Variants in BRCA1 observed in about 807,000 individuals in gnomAD.
The protein encoded by BRCA1 is breast cancer type 1 susceptibility protein.
In BRCA1, 140 loss-of-function variants were observed where a neutral mutation model predicts 173.7. The observed-to-expected ratio is 0.81, with a 90% CI of 0.70 to 0.93. The LOEUF is 0.93. Ranked by LOEUF, BRCA1 falls within the 40% of genes least tolerant of loss-of-function variation. BRCA1 has a pLI of 0.00. For missense variants in BRCA1, 1,983 were observed against 2,172.5 expected, an observed-to-expected ratio of 0.91 and a Z score of 1.73; for synonymous variants, 662 against 756.0, an observed-to-expected ratio of 0.88 and a Z score of 2.04.
rs927568651 is a variant in BRCA1, at chr17:43,090,024, A to T, written c.4185+920T>A. Among the ~76,000 whole-genome samples the T allele has an allele frequency of 6.0e-5, 9 of 151,060 alleles. 2 individuals are homozygous for T. Among genetic ancestry groups the T allele is most frequent in the African/African-American group, 2.2e-4 (9 of 41,262 alleles). The stretch of plus-strand genomic sequence containing the variant: ...ACCCTGTGTCAAAGAAACCAAAAAG[A>T]AAAAAATAACTAGATTTTAAAAGGG... On this transcript the variant is annotated intron_variant, in intron 11 of 22. Coordinates refer to ENST00000357654, the MANE Select transcript of BRCA1 (RefSeq NM_007294.4).
rs2152355720 is a variant in BRCA1, at chr17:43,045,095, T to C, written c.*583A>G. The C allele has an allele frequency of 1.9e-6, 1 of 530,000 alleles. No individual in the cohort carries two copies. 32.8% of individuals were successfully genotyped at this position (530,000 alleles called of 1,614,324 possible). The stretch of plus-strand genomic sequence containing the variant: ...CTGGGATTACAGGCGTGAGCCACCA[T>C]GCCCAGGTTTCAAGTTTCCTTTTCA... On this transcript the variant is annotated 3_prime_UTR_variant, in exon 23 of 23. Transcript: ENST00000357654.
rs368128956 is a variant in BRCA1 at position 43,111,100 on chromosome 17, C to CAAA, written c.135-4570_135-4568dup. Among the ~76,000 whole-genome samples the CAAA allele has an allele frequency of 7.9e-5, 9 of 114,042 alleles. 1 individual carries two copies. The highest frequency in any genetic ancestry group is 1.5e-4 in the Non-Finnish European group (8 of 55,156). The allele number at this position is 114,042 out of a possible 152,430, so 74.8% of individuals were successfully genotyped here. A position where few individuals can be genotyped will look rare whatever the true frequency, so the allele number is the denominator to read the frequency against. On this transcript the variant is annotated intron_variant, in intron 3 of 22. Transcript: ENST00000357654. ...TGGGCAACAGAACAAGACTCCATCT[C>CAAA]AAAAAAAAAAAAAAAAGTATTACAC...
chr17:43,089,504 T>C (rs1320191394), intron 11 of BRCA1, among the ~76,000 whole-genome samples: 1 of 151,992 alleles, frequency 6.6e-6, no homozygotes, highest in Non-Finnish European at 1.5e-5. Flanking sequence ...GTGACCAAAT[T>C]ATTGGCCTTG....
At chr17:43,123,829 G>C (rs2055702287) in intron 2 of BRCA1, among the ~76,000 whole-genome samples, 188 bp downstream of exon 2, 1 of 152,226 alleles carries the variant, frequency 6.6e-6, no homozygotes, top group African/African-American at 2.4e-5. Flanking sequence ...GGGAGAGGCA[G>C]AGTGGATGGA....
At position 43,091,543 on chromosome 17, in the gene BRCA1, T is replaced by A. The variant is rs1555586688; in HGVS notation, c.3988A>T (p.Ser1330Cys). ...TTGTCACTCAGACCAACTCCCTGGC[T>A]TTCAGACTGATGCCTCATTTGTTTG... ...SSKQMRHQSE[S>C]QGVGLSDKEL... The change falls in exon 10 of 23, where the codon AGC becomes TGC. Residue 1330 changes from serine to cysteine, a missense_variant. Coordinates refer to ENST00000357654, the MANE Select transcript of BRCA1 (RefSeq NM_007294.4). The A allele has an allele frequency of 1.2e-6, 2 of 1,614,204 alleles. No individual in the cohort carries two copies. Among genetic ancestry groups the A allele is most frequent in the Admixed American group, 1.7e-5 (1 of 60,030 alleles).
chr17:43,152,669 A>G (rs536851609), intron 1 of BRCA1, among the ~76,000 whole-genome samples: 12 of 152,300 alleles, frequency 7.9e-5, no homozygotes, highest in Admixed American at 6.5e-4. Context: ...CCTGGCTAAC[A>G]CAGTGAAACC....
rs370677799 is a variant in BRCA1 at position 43,116,680 on chromosome 17, G to A, written c.81-901C>T. 8.9e-4 allele frequency among the ~76,000 whole-genome samples: 135 copies of A among 152,234 alleles called. 1 individual carries two copies. The Middle Eastern group carries it at 0.027, about 31-fold the overall frequency. ...ACTACAGGCGTGCGCCACCACGCCCGGCTGATTTTTCGTATTTTTAGTAGA... is the reference window on the plus strand; with the variant it reads ...ACTACAGGCGTGCGCCACCACGCCCAGCTGATTTTTCGTATTTTTAGTAGA... On this transcript the variant is annotated intron_variant, in intron 2 of 22. Transcript: ENST00000357654.
chr17:43,102,356 G>GTTTTTTTT (rs1312777678), intron 6 of BRCA1, among the ~76,000 whole-genome samples: 6 of 86,974 alleles, frequency 6.9e-5, no homozygotes, highest in East Asian at 3.4e-4. Context: ...CAGGCGTGAA[G>GTTTTTTTT]CTTTTTTTTT....
At chr17:43,072,991 A>G (rs576358490) in intron 14 of BRCA1, among the ~76,000 whole-genome samples, 1 of 151,844 alleles carries the variant, frequency 6.6e-6, no homozygotes, top group East Asian at 2.0e-4. Flanking sequence ...TACTGAGATT[A>G]CAGGCATGAG....
chr17:43,131,262 G>T, intron 1 of BRCA1: 1 of 384,090 alleles, frequency 2.6e-6, no homozygotes, highest in South Asian at 2.1e-5. Context: ...GGATGAGGAA[G>T]ATGAAGAGGT....
intron 3 of BRCA1, among the ~76,000 whole-genome samples, chr17:43,109,517 C>T (rs892430705): frequency 2.0e-5 from 3 of 151,972 alleles, no homozygotes; most frequent in Non-Finnish European, 4.4e-5. Flanking sequence ...CCTTCTTCGC[C>T]GATATAGATG....
At chr17:43,145,063 GA>G in intron 1 of BRCA1, 58 of 810,222 alleles carry the variant, frequency 7.2e-5, no homozygotes, top group Non-Finnish European at 1.1e-4. Flanking sequence ...AAGCGAAGCC[GA>G]AAAAGGCAGC....
intron 18 of BRCA1, 124 bp from the exon 19 acceptor site, chr17:43,057,259 T>C (rs2051541536): frequency 1.1e-6 from 1 of 898,110 alleles, no homozygotes; most frequent in South Asian, 1.3e-5. Flanking sequence ...CCTGTAATCC[T>C]AGCACTTTGG....
rs80357351 is a variant in BRCA1, at chr17:43,094,809, G to T, written c.722C>A (p.Pro241His). The T allele has an allele frequency of 6.2e-7, 1 of 1,613,340 alleles. No individual in the cohort carries two copies. Residue 241 changes from proline to histidine, a missense_variant, in exon 10 of 23, where the codon CCC (proline) becomes CAC (histidine). Physicochemically the swap from Pro to His is moderately conservative, Grantham distance 77. Coordinates refer to ENST00000357654, the MANE Select transcript of BRCA1 (RefSeq NM_007294.4). ...TDVTNTEHHQPSNNDLNTTEK... is the reference protein window; with the variant it reads ...TDVTNTEHHQHSNNDLNTTEK... Reference sequence around the variant, plus strand: ...AGTGGTGTTCAAATCATTATTACTGGGTTGATGATGTTCAGTATTTGTTAC... The same window carrying T: ...AGTGGTGTTCAAATCATTATTACTGTGTTGATGATGTTCAGTATTTGTTAC...
intron 3 of BRCA1, among the ~76,000 whole-genome samples, chr17:43,107,345 G>T (rs111513157): frequency 9.7e-4 from 146 of 150,476 alleles, no homozygotes; most frequent in African/African-American, 3.4e-3. Context: ...TTACAGGTGT[G>T]AGCCACCATG....
chr17:43,140,118 G>C lies in BRCA1; in HGVS notation c.-19-16003C>G, dbSNP rs182493207. The stretch of plus-strand genomic sequence containing the variant: ...GGGGTGGGGAGCAGAGCTGGAGCTC[G>C]ATCATGCCTGCGTGACAAAGCCTCC... On this transcript the variant is annotated intron_variant, in intron 1 of 7. Transcript: ENST00000634433. The C allele has an allele frequency of 2.1e-5, 7 of 335,766 alleles. No homozygotes were observed. In the East Asian group the frequency reaches 4.7e-4, roughly 23 times the overall value. The allele number at this position is 335,766 out of a possible 1,614,324, so 20.8% of individuals were successfully genotyped here. A position where few individuals can be genotyped will look rare whatever the true frequency, so the allele number is the denominator to read the frequency against.
In BRCA1 at chr17:43,146,164, A is replaced by G. The variant is rs554698992; in HGVS notation, c.-19-22049T>C. The stretch of plus-strand genomic sequence containing the variant: ...TTCAGTTGTGAACTGTGGGCCATAC[A>G]TAACAGCTGATCAACATGTGAAGAT... On this transcript the variant is annotated intron_variant, in intron 1 of 7. Coordinates refer to the BRCA1 transcript ENST00000634433. Among the ~76,000 whole-genome samples, 7 of 152,304 alleles carry G rather than the reference A, an allele frequency of 4.6e-5. No homozygotes were observed. In the East Asian group the frequency reaches 5.8e-4, roughly 13 times the overall value.
rs2154430983 is a variant in BRCA1 at position 43,093,858 on chromosome 17, T to C, written c.1673A>G (p.Lys558Arg). 3 of 1,613,810 alleles carry C rather than the reference T, an allele frequency of 1.9e-6. No individual in the cohort carries two copies. The highest frequency in any genetic ancestry group is 2.5e-6 in the Non-Finnish European group (3 of 1,179,972). The change falls in exon 10 of 23, where the codon AAA becomes AGA. Residue 558 changes from lysine to arginine, a missense_variant. Lys to Arg is a conservative substitution (Grantham distance 26, BLOSUM62 2). Coordinates refer to ENST00000357654, the MANE Select transcript of BRCA1 (RefSeq NM_007294.4). ...TTTCTCATTCTGAATAGAATCACCTTTTGTTTTATTCTCATGACCACTATT... is the reference window on the plus strand; with the variant it reads ...TTTCTCATTCTGAATAGAATCACCTCTTGTTTTATTCTCATGACCACTATT... Reference protein sequence around the residue: ...ITNSGHENKTKGDSIQNEKNP... With the variant: ...ITNSGHENKTRGDSIQNEKNP...
At position 43,168,463 on chromosome 17, in the gene BRCA1, C is replaced by T. The variant is rs189878506; in HGVS notation, c.-20+1663G>A. On this transcript the variant is annotated intron_variant, in intron 1 of 7. Coordinates refer to the BRCA1 transcript ENST00000634433. ...GACCAGCCTGACCAATACGGAGAAA[C>T]CTCGTTTCTACTAAAAATACAAAAA... 6.6e-5 allele frequency among the ~76,000 whole-genome samples: 10 copies of T among 152,214 alleles called. No homozygotes were observed. The East Asian group carries it at 1.7e-3, about 26-fold the overall frequency.
Sources: gnomAD v4.1 joint callset for allele counts (sites outside exome capture counted in the v4.1 genomes callset) on GRCh38, gnomAD v4.1.1 for gene constraint, MANE v1.5 for transcripts, NCBI Gene and HGNC (gene_info 2026-07-23, HGNC 2026-07-21) for gene names.